SGCB: variants seen among roughly 807,000 people sequenced by gnomAD.
SGCB encodes sarcoglycan beta, also known as beta-sarcoglycan.
SGCB carries 25 observed loss-of-function variants against 27.3 expected under a neutral mutation model. The ratio of observed to expected loss-of-function variants is 0.92; its 90% confidence interval spans 0.67 to 1.28. The LOEUF (loss-of-function observed/expected upper bound fraction) is 1.28. Among genes scored for constraint, SGCB ranks in the 50% most tolerant of loss-of-function variants. The pLI is 0.00. For missense variants in SGCB, 436 were observed against 402.1 expected, an observed-to-expected ratio of 1.08 and a Z score of -0.72; for synonymous variants, 147 against 133.5, an observed-to-expected ratio of 1.10 and a Z score of -0.70.
chr4:52,035,430 G>C (rs1408124403), intron 1 of SGCB, among the ~76,000 whole-genome samples: 2 of 152,212 alleles, frequency 1.3e-5, no homozygotes, highest in African/African-American at 4.8e-5. Flanking sequence ...GGAGTTGTTA[G>C]GGAAATGGGG....
At chr4:52,035,178 T>G (rs1412789378) in intron 1 of SGCB, among the ~76,000 whole-genome samples, 7 of 152,184 alleles carry the variant, frequency 4.6e-5, no homozygotes, top group African/African-American at 1.4e-4. Flanking sequence ...CTGAGAAAAT[T>G]CAGTTGTTGA....
Position 52,028,023 on chromosome 4 carries a change from A to T in SGCB, c.698T>A (p.Phe233Tyr). The T allele has an allele frequency of 6.2e-7, 1 of 1,613,636 alleles. No homozygotes were observed. The highest frequency in any genetic ancestry group is 8.5e-7 in the Non-Finnish European group (1 of 1,179,584). ...RAIVRGNEGV[F>Y]IMGKTIEFHM... ...AAATTCAATGGTTTTGCCCATAATG[A>T]ATACACCTTCATTTCCACGCACAAT... Residue 233 changes from phenylalanine to tyrosine, a missense_variant, in exon 5 of 6, where the codon TTC becomes TAC. Transcript: ENST00000381431.
intron 2 of SGCB, chr4:52,032,015 A>G: frequency 2.2e-6 from 1 of 452,578 alleles, no homozygotes; most frequent in Non-Finnish European, 4.4e-6. Context: ...CTCAGGACCC[A>G]GACTTTCCTG....
At chr4:52,034,726 T>A (rs1352416814) in intron 1 of SGCB, among the ~76,000 whole-genome samples, 5 of 152,170 alleles carry the variant, frequency 3.3e-5, no homozygotes, top group Non-Finnish European at 2.9e-5. Context: ...AGAGCTCACA[T>A]TACCCTAGAT....
At chr4:52,028,428 G>A (rs1408586201) in intron 4 of SGCB, among the ~76,000 whole-genome samples, 3 of 152,156 alleles carry the variant, frequency 2.0e-5, no homozygotes, top group South Asian at 2.1e-4. Flanking sequence ...ACGAGGTCAG[G>A]AGATCGAGAC....
Position 52,033,592 on chromosome 4 carries a change from C to A in SGCB, c.82G>T (p.Glu28Ter), listed in dbSNP as rs771814273. ...VKKSMREKAV[E>*]RRSVNKEHNS... is the part of the protein sequence containing the mutation. ...TGCTCTTTATTGACACTCCTTCTCT[C>A]AACAGCCTTCTCACGCATGGACTTC... is the stretch of plus-strand genomic sequence containing the variant. The change falls in exon 2 of 6, where the codon GAG becomes TAG. Residue 28 changes from glutamate to a stop codon, truncating the protein, a stop_gained. Coordinates refer to ENST00000381431, the MANE Select transcript of SGCB (RefSeq NM_000232.5). LOFTEE classifies it high-confidence loss of function. 6.2e-7 allele frequency: 1 copy of A among 1,613,984 alleles called. No individual in the cohort carries two copies. Among genetic ancestry groups the A allele is most frequent in the Non-Finnish European group, 8.5e-7 (1 of 1,179,872 alleles).
chr4:52,024,006 T>C lies in SGCB; in HGVS notation c.908A>G (p.Gln303Arg). Residue 303 changes from glutamine (Q) to arginine (R), a missense_variant, in exon 6 of 6, where the codon CAG becomes CGG. Physicochemically the swap from Gln to Arg is conservative, Grantham distance 43. Transcript: ENST00000381431. ...GTCTGAGATTTGGCAGCCCATGTTC[T>C]GGCTGGTTACTTGCACCTTGAAGAG... ...GTLFKVQVTS[Q>R]NMGCQISDNP... 6.2e-7 allele frequency: 1 copy of C among 1,614,226 alleles called. No individual in the cohort carries two copies. The highest frequency in any genetic ancestry group is 8.5e-7 in the Non-Finnish European group (1 of 1,180,038).
intron 2 of SGCB, among the ~76,000 whole-genome samples, chr4:52,031,488 A>AT (rs67975991): frequency 0.63 from 81,068 of 129,386 alleles, 26,254 homozygotes; most frequent in Middle Eastern, 0.79. Flanking sequence ...GTTCCTTTTA[A>AT]TTTTTTTTTT....
chr4:52,027,370 G>A (rs1238727748), intron 5 of SGCB, among the ~76,000 whole-genome samples: 1 of 151,616 alleles, frequency 6.6e-6, no homozygotes, highest in Non-Finnish European at 1.5e-5. Context: ...CAACAGCCAC[G>A]ATAAAGACAA....
Position 52,033,414 on chromosome 4 carries a change from T to C in SGCB, c.243+17A>G. ...TTCCCCATGGCAATTAAAATGAGTA[T>C]TCTTACAAATACTCACTATTAAATT... On this transcript the variant is annotated intron_variant, in intron 2 of 5. Transcript: ENST00000381431. 1.9e-6 allele frequency: 3 copies of C among 1,540,686 alleles called. No individual in the cohort carries two copies. Among genetic ancestry groups the C allele is most frequent in the South Asian group, 1.1e-5 (1 of 89,612 alleles).
intron 5 of SGCB, among the ~76,000 whole-genome samples, chr4:52,024,598 G>A (rs1342102478): frequency 6.6e-6 from 1 of 152,032 alleles, no homozygotes; most frequent in African/African-American, 2.4e-5. Context: ...GGAGGCCGAG[G>A]TGGGCGGATC....
At chr4:52,027,705 C>G (rs1288767712) in intron 5 of SGCB, among the ~76,000 whole-genome samples, 1 of 151,282 alleles carries the variant, frequency 6.6e-6, no homozygotes, top group African/African-American at 2.4e-5. Context: ...AATCTGTTAT[C>G]TTGCTATCCA....
chr4:52,031,717 C>T (rs372417009), intron 2 of SGCB: 71 of 266,338 alleles, frequency 2.7e-4, no homozygotes, highest in African/African-American at 1.4e-3. Flanking sequence ...TCATCTCTAT[C>T]ATTTTTCAAT....
At chr4:52,037,587 A>G (rs960425384) in intron 1 of SGCB, among the ~76,000 whole-genome samples, 1 of 152,256 alleles carries the variant, frequency 6.6e-6, no homozygotes, top group Admixed American at 6.5e-5. Context: ...ATGCATACGT[A>G]TAACTAGATT....
chr4:52,027,656 C>T (rs1409064931), intron 5 of SGCB, among the ~76,000 whole-genome samples: 3 of 142,988 alleles, frequency 2.1e-5, no homozygotes, highest in African/African-American at 7.7e-5. Flanking sequence ...GAGAAAGAAA[C>T]AGAAAATACA....
chr4:52,038,193 C>T, intron 1 of SGCB, 34 bp downstream of exon 1: 5 of 1,224,892 alleles, frequency 4.1e-6, no homozygotes, highest in Admixed American at 3.8e-5. Context: ...CTCCCCCGCT[C>T]CTCCAGCCCG....
intron 2 of SGCB, among the ~76,000 whole-genome samples, chr4:52,030,965 C>T (rs1737229855): frequency 1.3e-5 from 2 of 152,108 alleles, no homozygotes; most frequent in African/African-American, 2.4e-5. Flanking sequence ...TTTTGAAAGC[C>T]ATTGCTTTAT....
At chr4:52,037,821 C>T (rs983402127) in intron 1 of SGCB, among the ~76,000 whole-genome samples, 2 of 152,224 alleles carry the variant, frequency 1.3e-5, no homozygotes, top group Non-Finnish European at 2.9e-5. Flanking sequence ...CAACAGCTGA[C>T]CCGTTTCTTG....
At chr4:52,034,561 T>C (rs556473031) in intron 1 of SGCB, among the ~76,000 whole-genome samples, 7 of 152,102 alleles carry the variant, frequency 4.6e-5, no homozygotes, top group African/African-American at 1.7e-4. Context: ...CACCACTTTA[T>C]ATAAGGGACT....
Sources: gnomAD v4.1 joint callset for allele counts (sites outside exome capture counted in the v4.1 genomes callset) on GRCh38, gnomAD v4.1.1 for gene constraint, MANE v1.5 for transcripts, NCBI Gene and HGNC (gene_info 2026-07-23, HGNC 2026-07-21) for gene names.